Variants in TMPRSS15 observed in about 807,000 individuals in gnomAD.
TMPRSS15 encodes transmembrane serine protease 15, also known as enteropeptidase.
TMPRSS15 carries 128 observed loss-of-function variants against 125.3 expected under a neutral mutation model. The ratio of observed to expected loss-of-function variants is 1.02; its 90% CI spans 0.89 to 1.18. TMPRSS15 has a LOEUF of 1.18. TMPRSS15 is among the 50% of genes most tolerant of loss of function. TMPRSS15 has a pLI of 0.00. For missense variants in TMPRSS15, 1,283 were observed against 1,212.7 expected, an observed-to-expected ratio of 1.06 and a Z score of -0.86; for synonymous variants, 446 against 423.2, an observed-to-expected ratio of 1.05 and a Z score of -0.66.
intron 18 of TMPRSS15, among the ~76,000 whole-genome samples, chr21:18,308,020 A>G (rs1250514340): frequency 2.6e-5 from 4 of 152,284 alleles, no homozygotes; most frequent in African/African-American, 7.2e-5. Context: ...GGGCGCATCA[A>G]TTGTGGAAGC....
intron 1 of TMPRSS15, among the ~76,000 whole-genome samples, chr21:18,468,444 C>A (rs1369144817): frequency 6.6e-6 from 1 of 152,094 alleles, no homozygotes; most frequent in Non-Finnish European, 1.5e-5. Flanking sequence ...ATGTCTTTCA[C>A]TGGCTCAGCC....
intron 13 of TMPRSS15, among the ~76,000 whole-genome samples, chr21:18,338,759 T>C (rs1273149949): frequency 1.3e-5 from 2 of 151,856 alleles, no homozygotes; most frequent in Non-Finnish European, 2.9e-5. Flanking sequence ...AGAGGCTTAG[T>C]CTGTCTCTAA....
chr21:18,456,161 AT>A (rs1978436669), intron 1 of TMPRSS15, among the ~76,000 whole-genome samples: 1 of 152,128 alleles, frequency 6.6e-6, no homozygotes, highest in Non-Finnish European at 1.5e-5. Context: ...TTAATAGATA[AT>A]TTTAAGGTGC....
At chr21:18,467,315 G>C (rs1004073231) in intron 1 of TMPRSS15, among the ~76,000 whole-genome samples, 2 of 151,834 alleles carry the variant, frequency 1.3e-5, no homozygotes, top group Non-Finnish European at 2.9e-5. Context: ...TAGATGATGG[G>C]TTGATGGTGC....
chr21:18,431,893 C>T (rs1298366866), intron 1 of TMPRSS15, among the ~76,000 whole-genome samples: 1 of 152,050 alleles, frequency 6.6e-6, no homozygotes, highest in African/African-American at 2.4e-5. Context: ...ATGCTACTTC[C>T]ACATATTGAT....
chr21:18,479,163 T>TA (rs553553444), intron 1 of TMPRSS15, among the ~76,000 whole-genome samples: 2 of 152,040 alleles, frequency 1.3e-5, no homozygotes, highest in South Asian at 4.1e-4. Flanking sequence ...ATATCAGGTT[T>TA]AAAAAAATGC....
intron 1 of TMPRSS15, among the ~76,000 whole-genome samples, chr21:18,421,365 T>A (rs2076191695): frequency 6.6e-6 from 1 of 152,220 alleles, no homozygotes; most frequent in Non-Finnish European, 1.5e-5. Context: ...CTTGGCGTCT[T>A]GTTACTGTGT....
chr21:18,337,934 A>T (rs944783157), intron 13 of TMPRSS15, among the ~76,000 whole-genome samples: 3 of 152,210 alleles, frequency 2.0e-5, no homozygotes, highest in African/African-American at 7.2e-5. Flanking sequence ...ATTGTCTTGA[A>T]GTGAACCATT....
chr21:18,298,773 C>T (rs1465348951), intron 18 of TMPRSS15, among the ~76,000 whole-genome samples: 1 of 152,086 alleles, frequency 6.6e-6, no homozygotes, highest in African/African-American at 2.4e-5. Context: ...TGTGATGGAC[C>T]CACCCATTGC....
At chr21:18,409,116 G>GA (rs1555911199) in intron 1 of TMPRSS15, among the ~76,000 whole-genome samples, 3 of 151,362 alleles carry the variant, frequency 2.0e-5, no homozygotes, top group Non-Finnish European at 2.9e-5. Flanking sequence ...TAAGTGACAA[G>GA]TTTTTTTTCC....
rs533745590 is a variant in TMPRSS15, at chr21:18,402,238, A to G, written c.145+1240T>C. On this transcript the variant is annotated intron_variant, in intron 1 of 24. Coordinates refer to ENST00000284885, the MANE Select transcript of TMPRSS15 (RefSeq NM_002772.3). ...TGTGAATTTAATAGGTAAAACTAAA[A>G]TCACTCACAATGGAAAGATACGGTG... Among the ~76,000 whole-genome samples the G allele has an allele frequency of 1.7e-4, 26 of 152,304 alleles. 1 individual carries two copies. The South Asian group carries it at 4.1e-3, about 24-fold the overall frequency.
intron 1 of TMPRSS15, among the ~76,000 whole-genome samples, chr21:18,433,585 G>T (rs1404004442): frequency 7.1e-6 from 1 of 141,382 alleles, no homozygotes; most frequent in Non-Finnish European, 1.5e-5. Flanking sequence ...AATCACCTGA[G>T]CTTGAGAGGT....
At chr21:18,287,675 G>A (rs1277783585) in intron 21 of TMPRSS15, among the ~76,000 whole-genome samples, 2 of 152,168 alleles carry the variant, frequency 1.3e-5, no homozygotes, top group African/African-American at 4.8e-5. Flanking sequence ...CAAGGAAATG[G>A]ATTGCACGAT....
chr21:18,349,415 G>A (rs2075541283), intron 10 of TMPRSS15, among the ~76,000 whole-genome samples: 2 of 152,140 alleles, frequency 1.3e-5, no homozygotes, highest in South Asian at 4.1e-4. Flanking sequence ...AAATTAAGAG[G>A]CTTAGGTGTT....
intron 13 of TMPRSS15, among the ~76,000 whole-genome samples, chr21:18,334,403 A>G (rs1394249123): frequency 6.6e-6 from 1 of 152,182 alleles, no homozygotes; most frequent in Non-Finnish European, 1.5e-5. Context: ...AAGTGCTTCC[A>G]TGCATGTTAT....
At chr21:18,410,535 G>T (rs1188106431) in intron 1 of TMPRSS15, among the ~76,000 whole-genome samples, 2 of 151,488 alleles carry the variant, frequency 1.3e-5, no homozygotes, top group African/African-American at 2.4e-5. Context: ...ATGAAAATTA[G>T]AACTTTTTTG....
Position 18,341,559 on chromosome 21 carries a change from G to A in TMPRSS15, c.1429-11C>T. 1 of 1,613,872 alleles carries A rather than the reference G, an allele frequency of 6.2e-7. No individual in the cohort carries two copies. Among genetic ancestry groups the A allele is most frequent in the Non-Finnish European group, 8.5e-7 (1 of 1,179,830 alleles). On this transcript the variant is annotated splice_polypyrimidine_tract_variant and intron_variant, in intron 12 of 24. Coordinates refer to ENST00000284885, the MANE Select transcript of TMPRSS15 (RefSeq NM_002772.3). The stretch of plus-strand genomic sequence containing the variant: ...AGCATTAAAAGCAACCTGCAATTCA[G>A]AGAGGCATATGAAACGATTTGATTC...
Position 18,318,390 on chromosome 21 carries a change from A to T in TMPRSS15, c.1922-3134T>A, listed in dbSNP as rs78951134. Among the ~76,000 whole-genome samples, 54 of 152,326 alleles carry T rather than the reference A, an allele frequency of 3.5e-4. No individual in the cohort carries two copies. In the East Asian group the frequency reaches 6.0e-3, roughly 17 times the overall value. On this transcript the variant is annotated intron_variant, in intron 16 of 24. Coordinates refer to ENST00000284885, the MANE Select transcript of TMPRSS15 (RefSeq NM_002772.3). The stretch of plus-strand genomic sequence containing the variant: ...TTTGGCCAGAAGCTGGTGTTTGCCA[A>T]ATGAAAACTACAATGGTAAAAATAA...
intron 18 of TMPRSS15, among the ~76,000 whole-genome samples, chr21:18,298,442 T>C (rs372992621): frequency 6.6e-6 from 1 of 152,230 alleles, no homozygotes; most frequent in Non-Finnish European, 1.5e-5. Flanking sequence ...CAAGTGTCAA[T>C]TGGCGAGGCA....
Sources: gnomAD v4.1 joint callset for allele counts (sites outside exome capture counted in the v4.1 genomes callset) on GRCh38, gnomAD v4.1.1 for gene constraint, MANE v1.5 for transcripts, NCBI Gene and HGNC (gene_info 2026-07-23, HGNC 2026-07-21) for gene names.